ABCG1: variants seen among roughly 807,000 people sequenced by gnomAD.
The protein encoded by ABCG1 is ATP binding cassette subfamily G member 1, also known as ATP-binding cassette sub-family G member 1.
Under a neutral mutation model 69.2 loss-of-function variants are expected in ABCG1, and 29 were observed. The ratio of observed to expected loss-of-function variants is 0.42; its 90% CI spans 0.31 to 0.57. The LOEUF is 0.57. Ranked by LOEUF, ABCG1 falls within the 20% of genes least tolerant of loss-of-function variation. The probability of loss-of-function intolerance (pLI) is 0.15; values close to 1 mark genes in which losing one functional copy is unlikely to be tolerated. For synonymous variants in ABCG1, 370 were observed against 374.8 expected (o/e 0.99, Z 0.15); for missense variants, 718 against 898.1 (o/e 0.80, Z 2.56).
At chr21:42,215,062 G>A (rs2067625425), upstream of ABCG1, among the ~76,000 whole-genome samples, 1 of 152,252 alleles carries the variant, frequency 6.6e-6, no homozygotes, top group Non-Finnish European at 1.5e-5. Flanking sequence ...TTGGCAGGCT[G>A]CATGCAGACC....
intron 2 of ABCG1, among the ~76,000 whole-genome samples, chr21:42,266,983 CT>C (rs1194115538): frequency 9.9e-5 from 15 of 152,116 alleles, no homozygotes; most frequent in Non-Finnish European, 1.9e-4. Context: ...GAACTTATGG[CT>C]TTTTTTGCCT....
intron 2 of ABCG1, among the ~76,000 whole-genome samples, chr21:42,270,651 T>C (rs923321895): frequency 3.9e-5 from 6 of 152,326 alleles, no homozygotes; most frequent in African/African-American, 1.2e-4. Context: ...GACACATGCA[T>C]GGCATCTCGG....
At position 42,293,087 on chromosome 21, in the gene ABCG1, C is replaced by CACCACACACGG. The variant is rs1168349723; in HGVS notation, c.1653+1431_1653+1432insACCACACACGG. ...CCACACTACACACACACCACACACA[C>CACCACACACGG]TACACACCACACACGGTACACACCA... On this transcript the variant is annotated intron_variant, in intron 13 of 14. Coordinates refer to ENST00000398449, the MANE Select transcript of ABCG1 (RefSeq NM_016818.3). Among the ~76,000 whole-genome samples the CACCACACACGG allele has an allele frequency of 4.8e-4, 41 of 86,206 alleles. 2 individuals are homozygous for CACCACACACGG. The highest frequency in any genetic ancestry group is 1.8e-3 in the African/African-American group (38 of 21,326). The allele number at this position is 86,206 out of a possible 152,430, so 56.6% of individuals were successfully genotyped here. A position where few individuals can be genotyped will look rare whatever the true frequency, so the allele number is the denominator to read the frequency against.
intron 2 of ABCG1, chr21:42,259,519 G>T: frequency 6.5e-7 from 1 of 1,539,090 alleles, no homozygotes. Flanking sequence ...CATTGACTGA[G>T]GCTGGCTGGC....
intron 1 of ABCG1, chr21:42,220,130 C>A: frequency 8.2e-7 from 1 of 1,220,600 alleles, no homozygotes. Flanking sequence ...AATCATCAGG[C>A]CCCCAGCCAC....
intron 11 of ABCG1, 125 bp from the exon 12 acceptor site, chr21:42,290,967 A>G (rs2069046067): frequency 4.5e-6 from 3 of 671,404 alleles, no homozygotes; most frequent in South Asian, 1.8e-5. Context: ...TGTTTGTTCA[A>G]TCTCTCAGTG....
intron 13 of ABCG1, among the ~76,000 whole-genome samples, chr21:42,293,945 C>T (rs1407528585): frequency 6.8e-6 from 1 of 147,670 alleles, no homozygotes; most frequent in East Asian, 2.0e-4. Flanking sequence ...GCAGACACCG[C>T]CCACACCACA....
At position 42,276,714 on chromosome 21, in the gene ABCG1, A is replaced by G. The variant is rs1195444258; in HGVS notation, c.538-181A>G. 11 of 630,440 alleles carry G rather than the reference A, an allele frequency of 1.7e-5. No individual in the cohort carries two copies. The highest frequency in any genetic ancestry group is 2.8e-5 in the Non-Finnish European group (10 of 357,330). 39.1% of individuals were successfully genotyped at this position (630,440 alleles called of 1,614,324 possible). A position where few individuals can be genotyped will look rare whatever the true frequency, so the allele number is the denominator to read the frequency against. On this transcript the variant is annotated intron_variant, in intron 4 of 14. Transcript: ENST00000398449. This position sits in a 1 kb window ranked among gnomAD's most constrained non-coding sequence, Gnocchi z 5.3. ...CACCGTGACTAGTGGCACCGTGGCT[A>G]GCTGCACCGTGGCTAGCGGCATTGT...
chr21:42,266,249 C>T (rs1048545271), intron 2 of ABCG1, among the ~76,000 whole-genome samples: 2 of 151,788 alleles, frequency 1.3e-5, no homozygotes, highest in African/African-American at 2.4e-5. Context: ...TGCAGTGAGC[C>T]GAGATTGCGC....
chr21:42,262,888 C>G (rs1265187730), intron 2 of ABCG1, among the ~76,000 whole-genome samples: 1 of 152,222 alleles, frequency 6.6e-6, no homozygotes, highest in East Asian at 1.9e-4. Flanking sequence ...GCGCGGTGCC[C>G]ACCCCAGTGA....
In ABCG1 at chr21:42,266,258, G is replaced by A. The variant is rs188278478; in HGVS notation, c.287-4812G>A. ...AGAGTTTGCAGTGAGCCGAGATTGCGCCACTGCACTCCAGCCTGGGTGACA... is the reference window on the plus strand; with the variant it reads ...AGAGTTTGCAGTGAGCCGAGATTGCACCACTGCACTCCAGCCTGGGTGACA... On this transcript the variant is annotated intron_variant, in intron 2 of 14. Coordinates refer to ENST00000398449, the MANE Select transcript of ABCG1 (RefSeq NM_016818.3). 3.0e-3 allele frequency among the ~76,000 whole-genome samples: 453 copies of A among 152,068 alleles called. 4 individuals carry two copies. Among genetic ancestry groups the A allele is most frequent in the African/African-American group, 1.0e-2 (413 of 41,440 alleles).
At chr21:42,237,396 C>T (rs1601371824) in intron 2 of ABCG1, among the ~76,000 whole-genome samples, 1 of 152,216 alleles carries the variant, frequency 6.6e-6, no homozygotes, top group African/African-American at 2.4e-5. Flanking sequence ...ACCAAGAACC[C>T]ACCTCATCTC....
At chr21:42,278,372 C>T (rs776032009) in intron 5 of ABCG1, among the ~76,000 whole-genome samples, 1 of 152,160 alleles carries the variant, frequency 6.6e-6, no homozygotes, top group African/African-American at 2.4e-5. Context: ...GGCCTGAATT[C>T]CCCCCAAAAG....
rs1162043792 is a variant in ABCG1, at chr21:42,291,838, C to T, written c.1653+182C>T. On this transcript the variant is annotated intron_variant, in intron 13 of 14. Coordinates refer to ENST00000398449, the MANE Select transcript of ABCG1 (RefSeq NM_016818.3). The surrounding 1 kb of genome is among the most constrained non-coding windows in gnomAD (Gnocchi z 6.4). ...TCAGGATCAGCTGGCTTCCACAGTG[C>T]GCACAGCGGGCAGCCTCACGTGTGC... Among the ~76,000 whole-genome samples the T allele has an allele frequency of 2.6e-5, 4 of 152,186 alleles. No homozygotes were observed. The highest frequency in any genetic ancestry group is 7.2e-5 in the African/African-American group (3 of 41,430).
Position 42,291,428 on chromosome 21 carries a change from A to C in ABCG1, c.1495-70A>C. The stretch of plus-strand genomic sequence containing the variant: ...AGCTGCGGGGAAGGGCTGGCTGCCC[A>C]GGAGCTTTGCTGTTGGCCTGCTGTG... On this transcript the variant is annotated intron_variant, in intron 12 of 14. Coordinates refer to ENST00000398449, the MANE Select transcript of ABCG1 (RefSeq NM_016818.3). This position sits in a 1 kb window ranked among gnomAD's most constrained non-coding sequence, Gnocchi z 6.4. 1.3e-6 allele frequency: 2 copies of C among 1,558,144 alleles called. No homozygotes were observed. Among genetic ancestry groups the C allele is most frequent in the Non-Finnish European group, 1.7e-6 (2 of 1,146,010 alleles).
upstream of ABCG1, among the ~76,000 whole-genome samples, chr21:42,214,586 G>A (rs118053125): frequency 4.9e-3 from 752 of 152,280 alleles, 7 homozygotes; most frequent in Middle Eastern, 0.031. Context: ...GTGTTGTCCC[G>A]GCCTGGGATG....
intron 13 of ABCG1, among the ~76,000 whole-genome samples, chr21:42,293,595 C>T (rs988487885): frequency 5.2e-5 from 7 of 134,636 alleles, no homozygotes; most frequent in Non-Finnish European, 1.1e-4. Flanking sequence ...ACATACCACA[C>T]TACACAGTAC....
chr21:42,228,989 C>T (rs535959320), intron 2 of ABCG1, among the ~76,000 whole-genome samples: 37 of 152,336 alleles, frequency 2.4e-4, no homozygotes, highest in Middle Eastern at 3.4e-3. Flanking sequence ...CTCACCCACA[C>T]GGGTCGCCAC....
chr21:42,281,914 G>A (rs141719464), intron 5 of ABCG1, among the ~76,000 whole-genome samples: 137 of 152,346 alleles, frequency 9.0e-4, no homozygotes, highest in African/African-American at 3.0e-3. Context: ...CACCTTCTCC[G>A]TATGGGGCAC....
Sources: allele counts gnomAD v4.1 joint callset (sites outside exome capture counted in the v4.1 genomes callset), GRCh38; gene constraint gnomAD v4.1.1; non-coding constraint Gnocchi (gnomAD v3.1); transcripts MANE v1.5; gene names NCBI Gene and HGNC (gene_info 2026-07-23, HGNC 2026-07-21).